The following ABCB1 variants were observed in gnomAD, a reference collection of about 807,000 sequenced individuals.
The protein encoded by ABCB1 is ATP-dependent translocase ABCB1.
A neutral mutation model predicts 142.0 loss-of-function variants in ABCB1; 69 were observed. The observed-to-expected ratio is 0.49, with a 90% CI of 0.40 to 0.59. The LOEUF is 0.59. ABCB1 is among the 20% of genes least tolerant of loss of function. The pLI, the probability that ABCB1 is intolerant of heterozygous loss-of-function variation, is 0.00. For synonymous variants in ABCB1, 532 were observed against 539.2 expected (o/e 0.99, Z 0.18); for missense variants, 1,326 against 1,554.7 (o/e 0.85, Z 2.47).
chr7:87,508,051 C>A (rs947600497), intron 26 of ABCB1, among the ~76,000 whole-genome samples: 1 of 152,060 alleles, frequency 6.6e-6, no homozygotes, highest in Non-Finnish European at 1.5e-5. Context: ...ACCTAGGTGA[C>A]AGGATCATTT....
chr7:87,543,068 T>C (rs1584863630), intron 17 of ABCB1, among the ~76,000 whole-genome samples: 1 of 152,004 alleles, frequency 6.6e-6, no homozygotes, highest in Non-Finnish European at 1.5e-5. Context: ...TGCCAGTAGG[T>C]GGATTACTTG....
At chr7:87,649,617 T>C (rs1823370786) in intron 1 of ABCB1, among the ~76,000 whole-genome samples, 1 of 152,206 alleles carries the variant, frequency 6.6e-6, no homozygotes, top group South Asian at 2.1e-4. Context: ...AAGGACATTC[T>C]GATAAGGAAA....
intron 1 of ABCB1, among the ~76,000 whole-genome samples, chr7:87,614,706 T>C (rs1386501895): frequency 1.3e-5 from 2 of 152,242 alleles, no homozygotes; most frequent in Non-Finnish European, 2.9e-5. Context: ...CTTTGGCTTT[T>C]ATTCTTGTTA....
intron 1 of ABCB1, among the ~76,000 whole-genome samples, chr7:87,630,041 A>C (rs1021658223): frequency 1.3e-5 from 2 of 152,198 alleles, no homozygotes; most frequent in African/African-American, 4.8e-5. Flanking sequence ...TGAAACCCTA[A>C]GCATCAATTT....
At chr7:87,537,418 G>C (rs1343389776) in intron 19 of ABCB1, among the ~76,000 whole-genome samples, 2 of 152,182 alleles carry the variant, frequency 1.3e-5, no homozygotes, top group Non-Finnish European at 2.9e-5. Flanking sequence ...TGAATCTACA[G>C]GATTGGGATA....
Position 87,644,627 on chromosome 7 carries a change from T to C in ABCB1, c.-330-43549A>G, listed in dbSNP as rs559096649. 2.0e-5 allele frequency among the ~76,000 whole-genome samples: 3 copies of C among 152,322 alleles called. No homozygotes were observed. The South Asian group carries it at 6.2e-4, about 32-fold the overall frequency. On this transcript the variant is annotated intron_variant, in intron 1 of 28. Transcript: ENST00000265724. ...TTCCATATAAAGGGATATAACATGG[T>C]ATAGATAAGAAGATCTATTTTATTT...
At chr7:87,506,123 C>T (rs377454028) in intron 26 of ABCB1, 80 bp from the exon 27 acceptor site, 53 of 1,425,054 alleles carry the variant, frequency 3.7e-5, no homozygotes, top group Middle Eastern at 1.8e-4. Context: ...GTAGGATAGA[C>T]GATTCTATAT....
At chr7:87,644,111 G>A (rs1011916243) in intron 1 of ABCB1, among the ~76,000 whole-genome samples, 1 of 150,886 alleles carries the variant, frequency 6.6e-6, no homozygotes, top group Non-Finnish European at 1.5e-5. Flanking sequence ...CACCCGCCTT[G>A]GCCTCCCAAA....
chr7:87,528,667 A>T (rs1815902825), intron 21 of ABCB1, among the ~76,000 whole-genome samples: 1 of 152,222 alleles, frequency 6.6e-6, no homozygotes, highest in South Asian at 2.1e-4. Flanking sequence ...GACATCATGC[A>T]GTCAGAATAA....
chr7:87,545,317 T>C (rs1816727613), intron 15 of ABCB1, among the ~76,000 whole-genome samples: 1 of 152,254 alleles, frequency 6.6e-6, no homozygotes, highest in Non-Finnish European at 1.5e-5. Flanking sequence ...GGATCAGTGC[T>C]TTCAACAGAA....
intron 1 of ABCB1, among the ~76,000 whole-genome samples, chr7:87,680,755 A>T (rs1332498198): frequency 2.0e-5 from 3 of 150,192 alleles, no homozygotes; most frequent in Non-Finnish European, 4.4e-5. Flanking sequence ...AGATCGCGCC[A>T]TTGCACTCCA....
chr7:87,509,577 A>G, intron 25 of ABCB1, 96 bp from the exon 26 acceptor site: 1 of 1,323,870 alleles, frequency 7.6e-7, no homozygotes, highest in Non-Finnish European at 1.1e-6. Context: ...CTGCCAAGTT[A>G]CTGTGAGATT....
At chr7:87,672,198 C>T (rs1825890903) in intron 1 of ABCB1, among the ~76,000 whole-genome samples, 1 of 152,160 alleles carries the variant, frequency 6.6e-6, no homozygotes, top group South Asian at 2.1e-4. Context: ...GCTAGAGGCC[C>T]CACTTGGGAG....
intron 7 of ABCB1, 149 bp from the exon 8 acceptor site, chr7:87,561,536 A>G (rs748942959): frequency 3.9e-5 from 30 of 769,134 alleles, no homozygotes; most frequent in Admixed American, 2.2e-4. Flanking sequence ...GTCTGTATTA[A>G]CAGCCACTGA....
At chr7:87,531,225 G>GT in intron 21 of ABCB1, 69 bp downstream of exon 21, 1 of 1,334,588 alleles carries the variant, frequency 7.5e-7, no homozygotes, top group Admixed American at 1.7e-5. Flanking sequence ...GCAGTAGGGA[G>GT]TAACAAAATA....
At chr7:87,710,334 C>T (rs541818016) in intron 1 of ABCB1, among the ~76,000 whole-genome samples, 16 of 151,972 alleles carry the variant, frequency 1.1e-4, no homozygotes, top group Non-Finnish European at 2.4e-4. Flanking sequence ...CGTTCTGTCC[C>T]TTCAGAGGAT....
At chr7:87,614,971 G>A (rs1007311364) in intron 1 of ABCB1, among the ~76,000 whole-genome samples, 4 of 151,848 alleles carry the variant, frequency 2.6e-5, no homozygotes, top group East Asian at 1.9e-4. Context: ...TCAGCCTCCC[G>A]AGTAGCTGGA....
chr7:87,679,477 A>T (rs1460648956), intron 1 of ABCB1, among the ~76,000 whole-genome samples: 2 of 149,612 alleles, frequency 1.3e-5, no homozygotes, highest in Admixed American at 6.7e-5. Flanking sequence ...CAGCCTCCAC[A>T]TCCCCAAGCT....
At chr7:87,504,677 T>C (rs1186746) in intron 27 of ABCB1, among the ~76,000 whole-genome samples, 32,220 of 151,768 alleles carry the variant, frequency 0.21, 3,668 homozygotes, top group Non-Finnish European at 0.26. Context: ...TGGTGGTGGG[T>C]GCCTGTAGTC....
Sources: allele counts gnomAD v4.1 joint callset (sites outside exome capture counted in the v4.1 genomes callset), GRCh38; gene constraint gnomAD v4.1.1; transcripts MANE v1.5; gene names NCBI Gene and HGNC (gene_info 2026-07-23, HGNC 2026-07-21).